SUPT3H: variants seen among roughly 807,000 people sequenced by gnomAD.
The protein encoded by SUPT3H is transcription initiation protein SPT3 homolog.
In SUPT3H, 44 loss-of-function variants were observed where a neutral mutation model predicts 44.3. The ratio of observed to expected loss-of-function variants is 0.99; its 90% CI spans 0.78 to 1.28. The LOEUF is 1.28. Among genes scored for constraint, SUPT3H ranks in the 50% most tolerant of loss-of-function variants. The pLI is 0.00. For synonymous variants in SUPT3H, 124 were observed against 125.6 expected (o/e 0.99, Z 0.09); for missense variants, 380 against 387.1 (o/e 0.98, Z 0.15).
At chr6:44,838,016 G>A (rs1396962395) in intron 10 of SUPT3H, among the ~76,000 whole-genome samples, 4 of 152,284 alleles carry the variant, frequency 2.6e-5, no homozygotes, top group East Asian at 1.9e-4. Context: ...AGCAATAGCT[G>A]TTTGCCAATG....
At chr6:44,929,276 G>A (rs1213809354) in intron 10 of SUPT3H, among the ~76,000 whole-genome samples, 2 of 152,082 alleles carry the variant, frequency 1.3e-5, no homozygotes, top group Non-Finnish European at 2.9e-5. Flanking sequence ...AAGTCATAAA[G>A]TAGACAGAAA....
intron 2 of SUPT3H, among the ~76,000 whole-genome samples, chr6:45,166,507 C>A (rs1344619844): frequency 3.4e-5 from 5 of 147,294 alleles, no homozygotes; most frequent in African/African-American, 7.6e-5. Flanking sequence ...ATGGCGTGAA[C>A]CCAGGAGGCA....
intron 3 of SUPT3H, among the ~76,000 whole-genome samples, chr6:45,076,407 C>T (rs1795005310): frequency 6.6e-6 from 1 of 151,808 alleles, no homozygotes; most frequent in Non-Finnish European, 1.5e-5. Context: ...TTCCAGAAGA[C>T]ACATACAAGC....
intron 2 of SUPT3H, among the ~76,000 whole-genome samples, chr6:45,301,869 G>C (rs1415436300): frequency 2.0e-5 from 3 of 152,146 alleles, no homozygotes; most frequent in Non-Finnish European, 1.5e-5. Context: ...CCTTTAGCAA[G>C]TGGATTTGAT....
chr6:45,058,802 C>A (rs1188591519), intron 3 of SUPT3H, among the ~76,000 whole-genome samples: 1 of 152,084 alleles, frequency 6.6e-6, no homozygotes, highest in Non-Finnish European at 1.5e-5. Flanking sequence ...CTCATATGAA[C>A]ACCTATCTGC....
chr6:44,844,087 G>C (rs1771469517), intron 10 of SUPT3H, among the ~76,000 whole-genome samples: 1 of 152,012 alleles, frequency 6.6e-6, no homozygotes, highest in Non-Finnish European at 1.5e-5. Context: ...AGTCCAAATA[G>C]ACCTACACGT....
At chr6:45,226,358 G>C (rs969341251) in intron 2 of SUPT3H, among the ~76,000 whole-genome samples, 1 of 151,908 alleles carries the variant, frequency 6.6e-6, no homozygotes. Context: ...TGTGTATAAC[G>C]TTTACTCAAA....
At chr6:45,345,097 T>C (rs896525280) in intron 2 of SUPT3H, among the ~76,000 whole-genome samples, 1 of 152,176 alleles carries the variant, frequency 6.6e-6, no homozygotes, top group Admixed American at 6.6e-5. Context: ...TCATCTGCGC[T>C]GCCTCACATG....
At chr6:45,359,881 A>C (rs535060607) in intron 2 of SUPT3H, among the ~76,000 whole-genome samples, 1 of 152,276 alleles carries the variant, frequency 6.6e-6, no homozygotes, top group East Asian at 1.9e-4. Context: ...CTGCCTCTAC[A>C]AAACAATACA....
At chr6:45,343,276 G>A (rs1790198296) in intron 2 of SUPT3H, among the ~76,000 whole-genome samples, 1 of 152,076 alleles carries the variant, frequency 6.6e-6, no homozygotes, top group Admixed American at 6.5e-5. Context: ...TTGGGAGGCC[G>A]AGGCGGGCAG....
chr6:44,840,422 AGAG>A (rs1561866198), intron 10 of SUPT3H, among the ~76,000 whole-genome samples: 1 of 152,300 alleles, frequency 6.6e-6, no homozygotes, highest in East Asian at 1.9e-4. Context: ...GTGGGAGGTG[AGAG>A]GAGGTAAGCT....
At position 45,105,986 on chromosome 6, in the gene SUPT3H, C is replaced by A; in HGVS notation, c.122G>T (p.Arg41Ile). The A allele has an allele frequency of 6.2e-7, 1 of 1,613,612 alleles. No individual in the cohort carries two copies. Among genetic ancestry groups the A allele is most frequent in the Non-Finnish European group, 8.5e-7 (1 of 1,179,744 alleles). ...QSMMYSLGDA[R>I]RPLHETAVLV... The stretch of plus-strand genomic sequence containing the variant: ...AACTGCTGTTTCATGAAGAGGCCTT[C>A]TAGCATCACCTAAAGAATACCTGCA... Residue 41 changes from arginine (R) to isoleucine (I), a missense_variant, in exon 3 of 11, where the codon AGA becomes ATA. By Grantham distance (97) the Arg-to-Ile change is moderately conservative. Transcript: ENST00000371459.
chr6:45,001,764 C>T (rs944269066), intron 6 of SUPT3H, among the ~76,000 whole-genome samples: 3 of 151,966 alleles, frequency 2.0e-5, no homozygotes, highest in African/African-American at 7.2e-5. Flanking sequence ...TGAATGATGC[C>T]AGGACTGATT....
intron 2 of SUPT3H, among the ~76,000 whole-genome samples, chr6:45,190,870 C>T (rs1210474625): frequency 6.6e-6 from 1 of 152,002 alleles, no homozygotes; most frequent in African/African-American, 2.4e-5. Flanking sequence ...AATAAGACAA[C>T]AATGAGTTAC....
chr6:45,019,133 G>A lies in SUPT3H; in HGVS notation c.273+1413C>T, dbSNP rs569325560. 2.5e-4 allele frequency among the ~76,000 whole-genome samples: 38 copies of A among 152,084 alleles called. No homozygotes were observed. In the South Asian group the frequency reaches 3.9e-3, roughly 16 times the overall value. On this transcript the variant is annotated intron_variant, in intron 4 of 10. Transcript: ENST00000371459. ...CTTCTAGATTTTCTAGTTTATTTGC[G>A]TAGAGGTGTTTGTAGTATTCTCTGA...
chr6:45,159,973 T>C (rs1177303294), intron 2 of SUPT3H, among the ~76,000 whole-genome samples: 1 of 152,124 alleles, frequency 6.6e-6, no homozygotes, highest in Admixed American at 6.6e-5. Flanking sequence ...AGTTATAAAC[T>C]AACAAAAATC....
At chr6:45,333,030 T>C (rs1581656442) in intron 2 of SUPT3H, among the ~76,000 whole-genome samples, 1 of 151,724 alleles carries the variant, frequency 6.6e-6, no homozygotes, top group African/African-American at 2.4e-5. Context: ...ACTCCAATAC[T>C]TGGTATTTTC....
At chr6:45,054,766 T>G (rs1291630268) in intron 3 of SUPT3H, among the ~76,000 whole-genome samples, 3 of 152,124 alleles carry the variant, frequency 2.0e-5, no homozygotes, top group Non-Finnish European at 4.4e-5. Context: ...TTATCAATTG[T>G]AGACCACGAG....
At chr6:45,293,646 A>C (rs1333548999) in intron 2 of SUPT3H, among the ~76,000 whole-genome samples, 2 of 152,186 alleles carry the variant, frequency 1.3e-5, no homozygotes, top group South Asian at 2.1e-4. Context: ...GAGAAACAAT[A>C]CATGTGAAAT....
Sources: gnomAD v4.1 joint callset for allele counts (sites outside exome capture counted in the v4.1 genomes callset) on GRCh38, gnomAD v4.1.1 for gene constraint, MANE v1.5 for transcripts, NCBI Gene and HGNC (gene_info 2026-07-23, HGNC 2026-07-21) for gene names.